The following CHST9 variants were observed in gnomAD, a reference collection of about 807,000 sequenced individuals.
CHST9 encodes the protein carbohydrate sulfotransferase 9.
Under a neutral mutation model 44.4 loss-of-function variants are expected in CHST9, and 41 were observed. That is an observed-to-expected ratio of 0.92 (90% CI 0.72 to 1.20). The LOEUF (loss-of-function observed/expected upper bound fraction) is 1.20, where lower values mean the gene tolerates loss of function less well. Among genes scored for constraint, CHST9 ranks in the 50% most tolerant of loss-of-function variants. The pLI is 0.00. For synonymous variants in CHST9, 171 were observed against 178.4 expected (o/e 0.96, Z 0.33); for missense variants, 504 against 516.5 (o/e 0.98, Z 0.23).
At chr18:26,999,801 G>T (rs77527919) in intron 4 of CHST9, among the ~76,000 whole-genome samples, 1 of 152,108 alleles carries the variant, frequency 6.6e-6, no homozygotes, top group Non-Finnish European at 1.5e-5. Flanking sequence ...TAGTAGTAAA[G>T]TTATTATTAT....
At chr18:27,184,438 G>A (rs1437894075) in intron 1 of CHST9, among the ~76,000 whole-genome samples, 2 of 152,154 alleles carry the variant, frequency 1.3e-5, no homozygotes, top group African/African-American at 2.4e-5. Flanking sequence ...AGGCAACCCT[G>A]TGAAAGTAAC....
At chr18:27,170,360 T>C (rs1164105731) in intron 1 of CHST9, among the ~76,000 whole-genome samples, 1 of 152,198 alleles carries the variant, frequency 6.6e-6, no homozygotes. Context: ...AATGACTTAA[T>C]GGAGCAGAAT....
At chr18:27,016,890 T>C (rs1336974366) in intron 4 of CHST9, among the ~76,000 whole-genome samples, 2 of 152,162 alleles carry the variant, frequency 1.3e-5, no homozygotes, top group Admixed American at 1.3e-4. Flanking sequence ...AGTTTCATAA[T>C]TTGCCATCAT....
chr18:27,053,210 G>A (rs2057598474), intron 2 of CHST9, among the ~76,000 whole-genome samples: 1 of 83,020 alleles, frequency 1.2e-5, no homozygotes, highest in African/African-American at 4.7e-5. Context: ...ACAAGAAGAG[G>A]AGGAAGAGGA....
chr18:27,043,385 C>A (rs572454381), intron 3 of CHST9, among the ~76,000 whole-genome samples: 80 of 152,076 alleles, frequency 5.3e-4, no homozygotes, highest in Non-Finnish European at 1.0e-3. Flanking sequence ...ATCACACATG[C>A]CACATTATAA....
intron 2 of CHST9, among the ~76,000 whole-genome samples, chr18:27,127,414 A>G (rs769656887): frequency 1.7e-4 from 26 of 152,178 alleles, no homozygotes; most frequent in Non-Finnish European, 3.1e-4. Flanking sequence ...ACAGAACTCA[A>G]AAGAGGAGGA....
At chr18:26,919,779 G>A (rs1037389674) in intron 5 of CHST9, among the ~76,000 whole-genome samples, 1 of 152,030 alleles carries the variant, frequency 6.6e-6, no homozygotes, top group Admixed American at 6.6e-5. Context: ...AATCTCCAGG[G>A]GTTTCTGGAA....
At chr18:27,002,264 C>T (rs2056963094) in intron 4 of CHST9, among the ~76,000 whole-genome samples, 1 of 151,882 alleles carries the variant, frequency 6.6e-6, no homozygotes, top group Admixed American at 6.6e-5. Flanking sequence ...ACTTGGAAGG[C>T]TACAATAGCC....
intron 2 of CHST9, among the ~76,000 whole-genome samples, chr18:27,052,002 A>G (rs572371060): frequency 1.4e-4 from 22 of 152,230 alleles, no homozygotes; most frequent in Middle Eastern, 3.4e-3. Context: ...CAAAATTCAC[A>G]TGAAATATTG....
At chr18:27,064,390 T>C (rs1290947738) in intron 2 of CHST9, among the ~76,000 whole-genome samples, 2 of 152,066 alleles carry the variant, frequency 1.3e-5, no homozygotes, top group Admixed American at 6.6e-5. Context: ...CCATGATTAA[T>C]ACAAGCAGAG....
At chr18:27,083,751 G>A (rs1164243625) in intron 2 of CHST9, among the ~76,000 whole-genome samples, 3 of 152,058 alleles carry the variant, frequency 2.0e-5, no homozygotes, top group Admixed American at 1.3e-4. Context: ...CTTCTCATGG[G>A]CCCCATTCCA....
At chr18:27,092,240 TA>T (rs2058076085) in intron 2 of CHST9, among the ~76,000 whole-genome samples, 1 of 152,232 alleles carries the variant, frequency 6.6e-6, no homozygotes, top group East Asian at 1.9e-4. Context: ...TAGAGGTGTT[TA>T]TAGTATTATC....
intron 3 of CHST9, among the ~76,000 whole-genome samples, chr18:27,037,803 T>A (rs1598660205): frequency 6.6e-6 from 1 of 152,028 alleles, no homozygotes; most frequent in Non-Finnish European, 1.5e-5. Flanking sequence ...AAGCAAGAGA[T>A]GATTAAATCC....
rs2057071287 is a variant in CHST9, at chr18:27,010,561, CT to C, written c.202+13554del. Among the ~76,000 whole-genome samples the C allele has an allele frequency of 3.3e-5, 5 of 152,134 alleles. No homozygotes were observed. In the South Asian group the frequency reaches 1.0e-3, roughly 32 times the overall value. On this transcript the variant is annotated intron_variant, in intron 4 of 5. Coordinates refer to ENST00000618847, the MANE Select transcript of CHST9 (RefSeq NM_031422.6). The stretch of plus-strand genomic sequence containing the variant: ...TGTATCCTAACTCCTCCTCTACTTC[CT>C]GTGGGGCTGTGGATGAGGAACGAAA...
chr18:27,100,737 G>C (rs1415339352), intron 2 of CHST9, among the ~76,000 whole-genome samples: 1 of 152,122 alleles, frequency 6.6e-6, no homozygotes, highest in Non-Finnish European at 1.5e-5. Context: ...TATATTATAT[G>C]GGCAACAAAT....
chr18:26,921,145 G>A (rs1568091856), intron 5 of CHST9, among the ~76,000 whole-genome samples: 2 of 152,304 alleles, frequency 1.3e-5, no homozygotes, highest in South Asian at 2.1e-4. Context: ...GACATCAAAT[G>A]TAGTGGACTT....
intron 3 of CHST9, among the ~76,000 whole-genome samples, chr18:27,046,251 T>C (rs1259135136): frequency 6.6e-6 from 1 of 152,092 alleles, no homozygotes; most frequent in Non-Finnish European, 1.5e-5. Context: ...TACTTCTGTG[T>C]AGCTTTCATC....
intron 4 of CHST9, among the ~76,000 whole-genome samples, chr18:26,980,096 T>G (rs2056673547): frequency 6.6e-6 from 1 of 152,128 alleles, no homozygotes; most frequent in Non-Finnish European, 1.5e-5. Flanking sequence ...TGGATACTCT[T>G]TCCTCCAGGA....
At chr18:27,081,162 A>T (rs988943753) in intron 2 of CHST9, among the ~76,000 whole-genome samples, 1 of 152,120 alleles carries the variant, frequency 6.6e-6, no homozygotes, top group East Asian at 1.9e-4. Flanking sequence ...ACAAGACCTC[A>T]TCTCTACTAA....
Sources: gnomAD v4.1 joint callset for allele counts (sites outside exome capture counted in the v4.1 genomes callset) on GRCh38, gnomAD v4.1.1 for gene constraint, MANE v1.5 for transcripts, NCBI Gene and HGNC (gene_info 2026-07-23, HGNC 2026-07-21) for gene names.